Variants in TMA16 observed in about 807,000 individuals in gnomAD.
TMA16 encodes translation machinery-associated protein 16.
TMA16 carries 26 observed loss-of-function variants against 27.1 expected under a neutral mutation model. The ratio of observed to expected loss-of-function variants is 0.96; its 90% CI spans 0.70 to 1.33. TMA16 has a LOEUF of 1.33. Among genes scored for constraint, TMA16 ranks in the 40% most tolerant of loss-of-function variants. The pLI is 0.00. For synonymous variants in TMA16, 71 were observed against 81.9 expected (o/e 0.87, Z 0.72); for missense variants, 233 against 241.4 (o/e 0.97, Z 0.23).
chr4:163,510,232 T>G (rs919190943), intron 2 of TMA16, among the ~76,000 whole-genome samples: 20 of 152,190 alleles, frequency 1.3e-4, no homozygotes, highest in African/African-American at 4.6e-4. Flanking sequence ...AGATCAACTT[T>G]GGGGTATAAT....
rs1737944604 is a variant in TMA16 at position 163,519,979 on chromosome 4, C to G, written c.*465C>G. ...ACATTAAACCTATTTTCCTTTTTTA[C>G]AGAATAAGGGAAAATGTGATAAGAA... On this transcript the variant is annotated 3_prime_UTR_variant, in exon 7 of 7. Transcript: ENST00000358572. 1.7e-6 allele frequency: 1 copy of G among 594,864 alleles called. No individual in the cohort carries two copies. Among genetic ancestry groups the G allele is most frequent in the African/African-American group, 1.9e-5 (1 of 52,648 alleles). 36.8% of individuals were successfully genotyped at this position (594,864 alleles called of 1,614,324 possible).
rs1485830828 is a variant in TMA16, at chr4:163,519,522, C to A, written c.*8C>A. 1.9e-6 allele frequency: 3 copies of A among 1,551,634 alleles called. No individual in the cohort carries two copies. The highest frequency in any genetic ancestry group is 2.6e-6 in the Non-Finnish European group (3 of 1,157,994). ...ATGACTGCAGTGGCCTAATTGTCTTCACTTGAATTGAAAATAAATAATTTG... is the reference window on the plus strand; with the variant it reads ...ATGACTGCAGTGGCCTAATTGTCTTAACTTGAATTGAAAATAAATAATTTG... On this transcript the variant is annotated 3_prime_UTR_variant, in exon 7 of 7. Coordinates refer to ENST00000358572, the MANE Select transcript of TMA16 (RefSeq NM_018352.3).
intron 1 of TMA16, among the ~76,000 whole-genome samples, chr4:163,503,986 A>C (rs1737684375): frequency 6.6e-6 from 1 of 152,188 alleles, no homozygotes; most frequent in Non-Finnish European, 1.5e-5. Context: ...CCTTCTTTGT[A>C]CTAAGTCTTG....
At chr4:163,499,716 T>A (rs777138683) in intron 1 of TMA16, among the ~76,000 whole-genome samples, 2 of 151,816 alleles carry the variant, frequency 1.3e-5, no homozygotes, top group African/African-American at 2.4e-5. Flanking sequence ...TATTGTTTTT[T>A]AAATTTTTAT....
intron 1 of TMA16, among the ~76,000 whole-genome samples, chr4:163,503,003 A>C (rs1737670065): frequency 6.6e-6 from 1 of 152,146 alleles, no homozygotes; most frequent in African/African-American, 2.4e-5. Context: ...ATGTTTAGAC[A>C]TGTTTAGATA....
In TMA16 at chr4:163,520,412, A is replaced by G. The variant is rs1182643821; in HGVS notation, c.*898A>G. ...ATGTAGGTGTATTTGAGTATTTTCA[A>G]GAAAAGAATAAAAACATTAATGCAG... is the stretch of plus-strand genomic sequence containing the variant. On this transcript the variant is annotated 3_prime_UTR_variant, in exon 7 of 7. Coordinates refer to ENST00000358572, the MANE Select transcript of TMA16 (RefSeq NM_018352.3). The G allele has an allele frequency of 6.5e-6, 1 of 153,746 alleles. No individual in the cohort carries two copies. The highest frequency in any genetic ancestry group is 2.4e-5 in the African/African-American group (1 of 41,482). 9.5% of individuals were successfully genotyped at this position (153,746 alleles called of 1,614,324 possible). A position where few individuals can be genotyped will look rare whatever the true frequency, so the allele number is the denominator to read the frequency against.
At chr4:163,514,048 A>T in intron 3 of TMA16, 26 bp from the exon 4 acceptor site, 2 of 1,542,708 alleles carry the variant, frequency 1.3e-6, no homozygotes, top group Non-Finnish European at 1.8e-6. Flanking sequence ...TGTGGGGTAA[A>T]CTGTCTTGGT....
At chr4:163,501,771 A>G (rs1262695919) in intron 1 of TMA16, among the ~76,000 whole-genome samples, 1 of 152,200 alleles carries the variant, frequency 6.6e-6, no homozygotes, top group Non-Finnish European at 1.5e-5. Flanking sequence ...TAACTTCCAC[A>G]TTAATTAGGT....
At chr4:163,518,610 T>G (rs1279963556) in intron 6 of TMA16, among the ~76,000 whole-genome samples, 6 of 152,204 alleles carry the variant, frequency 3.9e-5, no homozygotes, top group African/African-American at 1.4e-4. Flanking sequence ...TATTTAATGT[T>G]AATTGAAATT....
intron 1 of TMA16, among the ~76,000 whole-genome samples, chr4:163,502,441 A>G (rs1737661821): frequency 6.6e-6 from 1 of 152,196 alleles, no homozygotes; most frequent in South Asian, 2.1e-4. Flanking sequence ...TTGCAACCTC[A>G]GGACATATTT....
intron 1 of TMA16, among the ~76,000 whole-genome samples, chr4:163,495,099 A>C (rs930438167): frequency 3.3e-5 from 5 of 152,014 alleles, no homozygotes; most frequent in African/African-American, 1.2e-4. Flanking sequence ...GAAACCCGGC[A>C]CCTTTCCATT....
At chr4:163,507,836 C>T (rs558862294) in intron 2 of TMA16, among the ~76,000 whole-genome samples, 2 of 151,988 alleles carry the variant, frequency 1.3e-5, no homozygotes, top group South Asian at 2.1e-4. Flanking sequence ...TAAACATCAT[C>T]GTTTTGACTA....
chr4:163,517,931 GTAAACT>G lies in TMA16; in HGVS notation c.431+456_431+461del, dbSNP rs1381117895. ...CAGTGGTTTCTAGTTGTACTCTTTTGTAAACTGGGAAACTACCGAGTAGGATTTCGA... is the reference window on the plus strand; with the variant it reads ...CAGTGGTTTCTAGTTGTACTCTTTTGGGGAAACTACCGAGTAGGATTTCGA... On this transcript the variant is annotated intron_variant, in intron 6 of 6. Transcript: ENST00000358572. Among the ~76,000 whole-genome samples the G allele has an allele frequency of 2.6e-5, 4 of 151,430 alleles. No homozygotes were observed. In the South Asian group the frequency reaches 8.4e-4, roughly 32 times the overall value.
chr4:163,504,919 C>T (rs4691088), intron 1 of TMA16, among the ~76,000 whole-genome samples: 62,466 of 151,976 alleles, frequency 0.41, 13,955 homozygotes, highest in Admixed American at 0.55. Flanking sequence ...GTCTGGAGGC[C>T]TCCCTCAGTT....
intron 1 of TMA16, among the ~76,000 whole-genome samples, chr4:163,502,062 AAT>A (rs1382253500): frequency 6.6e-6 from 1 of 152,202 alleles, no homozygotes; most frequent in Admixed American, 6.5e-5. Context: ...AGTAATTAAA[AAT>A]ATGTATATAT....
At chr4:163,498,475 G>C (rs560114067) in intron 1 of TMA16, among the ~76,000 whole-genome samples, 4 of 152,030 alleles carry the variant, frequency 2.6e-5, no homozygotes, top group Admixed American at 6.5e-5. Flanking sequence ...TTTTAGTAGA[G>C]ACGGGGTTTC....
Position 163,515,445 on chromosome 4 carries a change from T to G in TMA16, c.372T>G (p.Phe124Leu). The change falls in exon 5 of 7, where the codon TTT (phenylalanine) becomes TTG (leucine). Residue 124 changes from phenylalanine to leucine, a missense_variant. Transcript: ENST00000358572. ...CGATGGAGCGGGAGCGACAGCAGTT[T>G]GAGGGATATGGCCTTGGTGTGCTCA... ...KQTMERERQQ[F>L]EGYGLEIPDI... is the part of the protein sequence containing the mutation. The G allele has an allele frequency of 6.2e-7, 1 of 1,613,956 alleles. No homozygotes were observed. Among genetic ancestry groups the G allele is most frequent in the Non-Finnish European group, 8.5e-7 (1 of 1,179,942 alleles).
chr4:163,517,229 C>A (rs1395152800), intron 5 of TMA16: 3 of 567,648 alleles, frequency 5.3e-6, no homozygotes, highest in Non-Finnish European at 3.1e-6. Context: ...TTCATGGATT[C>A]TATGCTAGAA....
At chr4:163,513,853 G>A (rs746295094) in intron 3 of TMA16, among the ~76,000 whole-genome samples, 6 of 152,140 alleles carry the variant, frequency 3.9e-5, no homozygotes, top group Middle Eastern at 6.8e-3. Flanking sequence ...ATACAGAAGC[G>A]CATCCCTCCC....
Sources: gnomAD v4.1 joint callset for allele counts (sites outside exome capture counted in the v4.1 genomes callset) on GRCh38, gnomAD v4.1.1 for gene constraint, MANE v1.5 for transcripts, NCBI Gene and HGNC (gene_info 2026-07-23, HGNC 2026-07-21) for gene names.